The following CNTNAP2 variants were observed in gnomAD, a reference collection of about 807,000 sequenced individuals.
CNTNAP2 encodes contactin associated protein 2, also known as contactin-associated protein-like 2.
CNTNAP2 carries 98 observed loss-of-function variants against 155.2 expected under a neutral mutation model. The ratio of observed to expected loss-of-function variants is 0.63; its 90% confidence interval spans 0.54 to 0.75. The LOEUF is 0.75. Ranked by LOEUF, CNTNAP2 falls within the 30% of genes least tolerant of loss-of-function variation. CNTNAP2 has a pLI of 0.00. For missense variants in CNTNAP2, 1,727 were observed against 1,688.1 expected (o/e 1.02, Z -0.40); for synonymous variants, 651 against 631.2 (o/e 1.03, Z -0.47).
chr7:147,264,115 T>C (rs1804553816), intron 8 of CNTNAP2, among the ~76,000 whole-genome samples: 1 of 152,180 alleles, frequency 6.6e-6, no homozygotes, highest in Non-Finnish European at 1.5e-5. Flanking sequence ...GTAAACTTAC[T>C]GTTTTGAAAA....
rs114917398 is a variant in CNTNAP2, at chr7:146,405,225, G to C, written c.97+288252G>C. ...CAGCCCTGTCCTGATGGTAATTTGG[G>C]TTGTAAGTCAATAAGCATCCTACTT... On this transcript the variant is annotated intron_variant, in intron 1 of 23. Coordinates refer to ENST00000361727, the MANE Select transcript of CNTNAP2 (RefSeq NM_014141.6). Among the ~76,000 whole-genome samples the C allele has an allele frequency of 8.9e-3, 1,352 of 152,246 alleles. 24 individuals are homozygous for C. Among genetic ancestry groups the C allele is most frequent in the African/African-American group, 0.031 (1,292 of 41,526 alleles).
chr7:147,610,544 T>C (rs1404641150), intron 12 of CNTNAP2, among the ~76,000 whole-genome samples: 4 of 152,160 alleles, frequency 2.6e-5, no homozygotes, highest in Non-Finnish European at 4.4e-5. Context: ...CTTAGTTCCC[T>C]CAAAGGTAAA....
chr7:147,045,517 T>G (rs1000267943), intron 4 of CNTNAP2, among the ~76,000 whole-genome samples: 2 of 152,192 alleles, frequency 1.3e-5, no homozygotes, highest in African/African-American at 4.8e-5. Flanking sequence ...TGGTTACCAT[T>G]TTATTGTAGC....
At chr7:147,855,432 T>C (rs1799019456) in intron 13 of CNTNAP2, among the ~76,000 whole-genome samples, 1 of 152,136 alleles carries the variant, frequency 6.6e-6, no homozygotes, top group Non-Finnish European at 1.5e-5. Context: ...ATGCTTCTTC[T>C]CCTACTCTTG....
intron 3 of CNTNAP2, among the ~76,000 whole-genome samples, chr7:146,860,783 A>G (rs1795083528): frequency 6.6e-6 from 1 of 151,792 alleles, no homozygotes; most frequent in South Asian, 2.1e-4. Context: ...TTCTGGTTTT[A>G]TGGGTCCAAG....
At chr7:147,518,153 A>T (rs1478720330) in intron 11 of CNTNAP2, among the ~76,000 whole-genome samples, 1 of 152,254 alleles carries the variant, frequency 6.6e-6, no homozygotes, top group Non-Finnish European at 1.5e-5. Context: ...GAAAGATTTT[A>T]CAAAGTATAT....
chr7:147,231,302 A>G (rs1803676352), intron 8 of CNTNAP2, among the ~76,000 whole-genome samples: 2 of 152,360 alleles, frequency 1.3e-5, no homozygotes, highest in Non-Finnish European at 2.9e-5. Flanking sequence ...TCTATTCAAT[A>G]CAGCACATTT....
intron 11 of CNTNAP2, among the ~76,000 whole-genome samples, chr7:147,542,189 T>C (rs1015335185): frequency 3.9e-5 from 6 of 152,134 alleles, no homozygotes; most frequent in Admixed American, 1.3e-4. Flanking sequence ...CCACTTATCA[T>C]GTAAGTGCCT....
chr7:147,741,392 C>T (rs1796954073), intron 13 of CNTNAP2, among the ~76,000 whole-genome samples: 1 of 152,174 alleles, frequency 6.6e-6, no homozygotes, highest in Admixed American at 6.5e-5. Context: ...AATCCATGAC[C>T]TCTTTTGCTT....
At chr7:147,760,508 A>G (rs892332121) in intron 13 of CNTNAP2, among the ~76,000 whole-genome samples, 1 of 152,214 alleles carries the variant, frequency 6.6e-6, no homozygotes, top group East Asian at 1.9e-4. Flanking sequence ...ATTTAGGAAG[A>G]TTAAACATTT....
At chr7:147,101,794 G>T (rs751693297) in intron 4 of CNTNAP2, among the ~76,000 whole-genome samples, 1 of 152,040 alleles carries the variant, frequency 6.6e-6, no homozygotes, top group Non-Finnish European at 1.5e-5. Flanking sequence ...CTGCTGTGCC[G>T]CTCTTCTGTT....
At chr7:146,286,342 T>C (rs1160065331) in intron 1 of CNTNAP2, among the ~76,000 whole-genome samples, 1 of 151,930 alleles carries the variant, frequency 6.6e-6, no homozygotes, top group East Asian at 2.0e-4. Flanking sequence ...AAAACCTCCA[T>C]AATAAGAGCT....
intron 21 of CNTNAP2, among the ~76,000 whole-genome samples, chr7:148,283,340 A>G (rs1797022662): frequency 7.0e-6 from 1 of 143,206 alleles, no homozygotes; most frequent in Non-Finnish European, 1.5e-5. Context: ...AAGAATTCTT[A>G]TTATTATAAC....
chr7:147,425,711 G>A (rs1047531450), intron 10 of CNTNAP2, among the ~76,000 whole-genome samples: 2 of 152,036 alleles, frequency 1.3e-5, no homozygotes, highest in Admixed American at 6.6e-5. Flanking sequence ...ATATACCCAA[G>A]GAAGGGTAAA....
rs576168085 is a variant in CNTNAP2, at chr7:146,483,669, T to A, written c.98-290602T>A. On this transcript the variant is annotated intron_variant, in intron 1 of 23. Coordinates refer to ENST00000361727, the MANE Select transcript of CNTNAP2 (RefSeq NM_014141.6). ...TTAACCAGGTAAATGTATGTCTTAT[T>A]TTTTACAAAAACAGTTAAAAGTTAA... Among the ~76,000 whole-genome samples, 23 of 151,736 alleles carry A rather than the reference T, an allele frequency of 1.5e-4. No individual in the cohort carries two copies. In the East Asian group the frequency reaches 4.1e-3, roughly 27 times the overall value.
intron 15 of CNTNAP2, among the ~76,000 whole-genome samples, chr7:148,050,161 A>C: frequency 6.6e-6 from 1 of 152,126 alleles, no homozygotes. Context: ...CTCTATCTCA[A>C]ACAAACCGAA....
chr7:146,719,426 A>AT (rs1232397454), intron 1 of CNTNAP2, among the ~76,000 whole-genome samples: 1 of 152,178 alleles, frequency 6.6e-6, no homozygotes, highest in Non-Finnish European at 1.5e-5. Flanking sequence ...GTTTTGCCTA[A>AT]TTTTTTCAGA....
Position 146,229,738 on chromosome 7 carries a change from T to TAA in CNTNAP2, c.97+112771_97+112772dup, listed in dbSNP as rs1320801844. Among the ~76,000 whole-genome samples, 216 of 152,060 alleles carry TAA rather than the reference T, an allele frequency of 1.4e-3. 1 individual carries two copies. The highest frequency in any genetic ancestry group is 4.9e-3 in the African/African-American group (204 of 41,468). Reference sequence around the variant, plus strand: ...AAGTTTTTTGTTTTTTTTTTCTTATTAAAAAAATCTCAATTTAGAAATAAA... The same window carrying TAA: ...AAGTTTTTTGTTTTTTTTTTCTTATTAAAAAAAAATCTCAATTTAGAAATAAA... On this transcript the variant is annotated intron_variant, in intron 1 of 23. Transcript: ENST00000361727.
chr7:146,131,277 A>G (rs964845025), intron 1 of CNTNAP2, among the ~76,000 whole-genome samples: 2 of 152,150 alleles, frequency 1.3e-5, no homozygotes, highest in African/African-American at 4.8e-5. Context: ...TGGATTGTTA[A>G]TACATTGAGA....
Sources: allele counts gnomAD v4.1 joint callset (sites outside exome capture counted in the v4.1 genomes callset), GRCh38; gene constraint gnomAD v4.1.1; transcripts MANE v1.5; gene names NCBI Gene and HGNC (gene_info 2026-07-23, HGNC 2026-07-21).